DPYD: variants seen among roughly 807,000 people sequenced by gnomAD.
The protein encoded by DPYD is dihydropyrimidine dehydrogenase [NADP(+)].
In DPYD, 109 loss-of-function variants were observed where a neutral mutation model predicts 116.2. The observed-to-expected ratio is 0.94, with a 90% CI of 0.80 to 1.10. The LOEUF (loss-of-function observed/expected upper bound fraction) is 1.10. Among genes scored for constraint, DPYD ranks in the 50% least tolerant of loss-of-function variants. DPYD has a pLI of 0.00. For synonymous variants in DPYD, 440 were observed against 432.0 expected (o/e 1.02, Z -0.23); for missense variants, 1,302 against 1,254.5 (o/e 1.04, Z -0.57).
intron 13 of DPYD, among the ~76,000 whole-genome samples, chr1:97,487,069 A>C (rs1678680496): frequency 6.6e-6 from 1 of 152,186 alleles, no homozygotes; most frequent in Non-Finnish European, 1.5e-5. Flanking sequence ...TTTAAGAAAT[A>C]AAATGCTAAA....
intron 8 of DPYD, among the ~76,000 whole-genome samples, chr1:97,666,832 G>T (rs1659589968): frequency 6.6e-6 from 1 of 152,062 alleles, no homozygotes; most frequent in South Asian, 2.1e-4. Context: ...ACAAACAGAT[G>T]CATGCATGCA....
intron 5 of DPYD, chr1:97,720,199 C>T: frequency 1.0e-6 from 1 of 984,884 alleles, no homozygotes; most frequent in Non-Finnish European, 1.2e-6. Flanking sequence ...AACACACACA[C>T]CTCTCATGAC....
At chr1:97,817,250 T>C (rs1159208950) in intron 3 of DPYD, among the ~76,000 whole-genome samples, 1 of 152,110 alleles carries the variant, frequency 6.6e-6, no homozygotes, top group Non-Finnish European at 1.5e-5. Flanking sequence ...ATAAAATGTT[T>C]CCTTACTTCT....
chr1:97,348,292 A>G (rs574049359), intron 16 of DPYD, among the ~76,000 whole-genome samples: 5 of 152,298 alleles, frequency 3.3e-5, no homozygotes, highest in African/African-American at 1.2e-4. Context: ...AGTCTGACAA[A>G]GCAATAACAA....
At chr1:97,714,994 A>C (rs1020074400) in intron 5 of DPYD, among the ~76,000 whole-genome samples, 1 of 152,166 alleles carries the variant, frequency 6.6e-6, no homozygotes, top group Non-Finnish European at 1.5e-5. Context: ...GTTTCCTGTT[A>C]CTCATATGTA....
intron 2 of DPYD, among the ~76,000 whole-genome samples, chr1:97,847,143 T>C (rs1326182293): frequency 1.3e-5 from 2 of 152,188 alleles, no homozygotes; most frequent in Non-Finnish European, 2.9e-5. Flanking sequence ...GAACTGGACA[T>C]GGAGTTTTAT....
At chr1:97,564,178 T>C (rs1483097662) in intron 11 of DPYD, among the ~76,000 whole-genome samples, 1 of 152,082 alleles carries the variant, frequency 6.6e-6, no homozygotes, top group Non-Finnish European at 1.5e-5. Flanking sequence ...TAAAACAACA[T>C]GGCAGCACAT....
chr1:97,847,941 G>T (rs1670384911), intron 2 of DPYD, among the ~76,000 whole-genome samples: 1 of 152,128 alleles, frequency 6.6e-6, no homozygotes, highest in South Asian at 2.1e-4. Context: ...GATGGGCTAT[G>T]TGAATGCAAA....
intron 4 of DPYD, among the ~76,000 whole-genome samples, chr1:97,739,292 A>T (rs1037280972): frequency 1.3e-5 from 2 of 152,262 alleles, no homozygotes; most frequent in East Asian, 3.9e-4. Flanking sequence ...TCACATAAAA[A>T]TATTATTCAG....
chr1:97,868,772 C>A (rs963779804), intron 2 of DPYD, among the ~76,000 whole-genome samples: 4 of 151,770 alleles, frequency 2.6e-5, no homozygotes. Context: ...TACTGCCTCA[C>A]ACAACTTAAT....
At chr1:97,202,349 T>C (rs1659266191) in intron 19 of DPYD, among the ~76,000 whole-genome samples, 1 of 152,172 alleles carries the variant, frequency 6.6e-6, no homozygotes, top group African/African-American at 2.4e-5. Flanking sequence ...AAATTTTAAG[T>C]ATAAAAATTT....
intron 20 of DPYD, among the ~76,000 whole-genome samples, chr1:97,169,523 TTTTTATTTTATTTTA>T (rs11275458): frequency 6.3e-5 from 9 of 143,016 alleles, no homozygotes; most frequent in Non-Finnish European, 9.0e-5. Context: ...ATTGGGTTAA[TTTTTATTTTATTTTA>T]TTTTATTTTA....
chr1:97,844,774 A>T (rs1370817279), intron 2 of DPYD, among the ~76,000 whole-genome samples: 1 of 152,190 alleles, frequency 6.6e-6, no homozygotes, highest in Non-Finnish European at 1.5e-5. Context: ...CTGTGGCTCC[A>T]GACCTGGGCA....
intron 3 of DPYD, among the ~76,000 whole-genome samples, chr1:97,751,454 G>GTATA (rs1457273757): frequency 3.0e-3 from 89 of 29,366 alleles, no homozygotes; most frequent in African/African-American, 8.4e-3. Context: ...GTGTGTGTGT[G>GTATA]TGTGTGTATA....
chr1:97,520,384 C>T (rs1327528953), intron 12 of DPYD, among the ~76,000 whole-genome samples: 1 of 152,126 alleles, frequency 6.6e-6, no homozygotes, highest in Non-Finnish European at 1.5e-5. Flanking sequence ...CTTCCAAACT[C>T]AACTGATTCA....
intron 14 of DPYD, among the ~76,000 whole-genome samples, chr1:97,424,864 A>T (rs535432144): frequency 6.6e-6 from 1 of 152,194 alleles, no homozygotes; most frequent in South Asian, 2.1e-4. Context: ...TCTTAAACTG[A>T]CCATTGTCAG....
chr1:97,878,664 G>C (rs988826881), intron 2 of DPYD, among the ~76,000 whole-genome samples: 1 of 151,936 alleles, frequency 6.6e-6, no homozygotes, highest in Non-Finnish European at 1.5e-5. Context: ...CCCAGTCCCA[G>C]AGACCTTGCC....
chr1:97,714,962 G>T (rs550984316), intron 5 of DPYD, among the ~76,000 whole-genome samples: 1 of 152,160 alleles, frequency 6.6e-6, no homozygotes, highest in South Asian at 2.1e-4. Context: ...GTGAGGTTGT[G>T]GAAGTTAATT....
chr1:97,349,201 C>G, intron 16 of DPYD, among the ~76,000 whole-genome samples: 1 of 151,970 alleles, frequency 6.6e-6, no homozygotes, highest in East Asian at 1.9e-4. Context: ...ATATAATCTA[C>G]TTAAAATGTT....
Sources: gnomAD v4.1 joint callset for allele counts (sites outside exome capture counted in the v4.1 genomes callset) on GRCh38, gnomAD v4.1.1 for gene constraint, MANE v1.5 for transcripts, NCBI Gene and HGNC (gene_info 2026-07-23, HGNC 2026-07-21) for gene names.